WNT7A: variants seen among roughly 807,000 people sequenced by gnomAD.
WNT7A encodes protein Wnt-7a.
In WNT7A, 16 loss-of-function variants were observed where a neutral mutation model predicts 28.2. That is an observed-to-expected ratio of 0.57 (90% CI 0.38 to 0.86). The LOEUF is 0.86. Among genes scored for constraint, WNT7A ranks in the 40% least tolerant of loss-of-function variants. The pLI, the probability that WNT7A is intolerant of heterozygous loss-of-function variation, is 0.00. For missense variants in WNT7A, 411 were observed against 489.7 expected, an observed-to-expected ratio of 0.84 and a Z score of 1.52; for synonymous variants, 190 against 195.9, an observed-to-expected ratio of 0.97 and a Z score of 0.25.
intron 2 of WNT7A, among the ~76,000 whole-genome samples, chr3:13,858,035 G>A (rs898941531): frequency 6.6e-6 from 1 of 152,172 alleles, no homozygotes; most frequent in Non-Finnish European, 1.5e-5. Context: ...TAAGGAGTAG[G>A]GCTTTTCTTT....
intron 2 of WNT7A, among the ~76,000 whole-genome samples, chr3:13,873,622 T>C (rs1009588844): frequency 2.0e-5 from 3 of 152,060 alleles, no homozygotes; most frequent in Admixed American, 2.0e-4. Flanking sequence ...GTGGTAAGCA[T>C]GGGAGTAGAG....
At chr3:13,850,581 C>T (rs971350526) in intron 3 of WNT7A, among the ~76,000 whole-genome samples, 1 of 152,128 alleles carries the variant, frequency 6.6e-6, no homozygotes, top group African/African-American at 2.4e-5. Flanking sequence ...AGGCGCATTC[C>T]AGCAGGGGCC....
intron 2 of WNT7A, among the ~76,000 whole-genome samples, chr3:13,868,487 C>CGAAAGAAAGAAA (rs1553576646): frequency 3.7e-5 from 4 of 109,522 alleles, no homozygotes; most frequent in African/African-American, 1.4e-4. Context: ...AAGGAAAGAA[C>CGAAAGAAAGAAA]GAAAGAAAGA....
Position 13,879,877 on chromosome 3 carries a change from GC to G in WNT7A, c.-62del, listed in dbSNP as rs1210326469. On this transcript the variant is annotated 5_prime_UTR_variant, in exon 1 of 4. Transcript: ENST00000285018. ...GTGCTGATCCCGCGGGCCGGCCCCG[GC>G]GGGGCAATCAACATAGCCCGCCCGG... 7 of 1,451,308 alleles carry G rather than the reference GC, an allele frequency of 4.8e-6. No homozygotes were observed. The highest frequency in any genetic ancestry group is 6.4e-6 in the Non-Finnish European group (7 of 1,090,774). 89.9% of individuals were successfully genotyped at this position (1,451,308 alleles called of 1,614,324 possible). A position where few individuals can be genotyped will look rare whatever the true frequency, so the allele number is the denominator to read the frequency against.
chr3:13,827,635 G>A (rs548418638), intron 3 of WNT7A, among the ~76,000 whole-genome samples: 1 of 152,168 alleles, frequency 6.6e-6, no homozygotes, highest in African/African-American at 2.4e-5. Flanking sequence ...TGAACTTCCT[G>A]GAAGAAGGAA....
intron 3 of WNT7A, among the ~76,000 whole-genome samples, chr3:13,849,488 A>G (rs1440540257): frequency 1.3e-5 from 2 of 152,204 alleles, no homozygotes; most frequent in Non-Finnish European, 2.9e-5. Flanking sequence ...CACTTGCCAT[A>G]TCATTTGTTC....
intron 3 of WNT7A, among the ~76,000 whole-genome samples, chr3:13,833,418 C>T (rs949860163): frequency 6.6e-6 from 1 of 152,212 alleles, no homozygotes; most frequent in African/African-American, 2.4e-5. Context: ...ATGGTGGTGG[C>T]TAGCAGATGG....
intron 3 of WNT7A, among the ~76,000 whole-genome samples, chr3:13,840,616 C>CCATG (rs751338068): frequency 1.2e-4 from 18 of 151,972 alleles, no homozygotes; most frequent in Non-Finnish European, 1.9e-4. Flanking sequence ...ATCCATCCAT[C>CCATG]CATCCATCCA....
At position 13,830,503 on chromosome 3, in the gene WNT7A, C is replaced by A. The variant is rs575549513; in HGVS notation, c.571-11080G>T. Among the ~76,000 whole-genome samples the A allele has an allele frequency of 5.9e-5, 9 of 152,244 alleles. No homozygotes were observed. The East Asian group carries it at 1.7e-3, about 29-fold the overall frequency. ...TCCTCTGTGTGTGGCAGAAGGTGTC[C>A]CTGGCTGCTGCTCACCCCTGCTCTA... On this transcript the variant is annotated intron_variant, in intron 3 of 3. Coordinates refer to ENST00000285018, the MANE Select transcript of WNT7A (RefSeq NM_004625.4).
At chr3:13,834,780 C>T (rs56925963) in intron 3 of WNT7A, among the ~76,000 whole-genome samples, 13,702 of 152,212 alleles carry the variant, frequency 0.09, 692 homozygotes, top group Middle Eastern at 0.19. Flanking sequence ...GCCCCTGCCC[C>T]GGCTTGTTTT....
intron 2 of WNT7A, among the ~76,000 whole-genome samples, chr3:13,870,893 A>G (rs557100592): frequency 2.0e-5 from 3 of 152,330 alleles, no homozygotes; most frequent in South Asian, 2.1e-4. Flanking sequence ...CCCTTTCACC[A>G]GAGGTGGCTT....
At chr3:13,831,925 C>T (rs1346817381) in intron 3 of WNT7A, among the ~76,000 whole-genome samples, 1 of 152,060 alleles carries the variant, frequency 6.6e-6, no homozygotes, top group African/African-American at 2.4e-5. Context: ...AAACCAGGGA[C>T]CCTTTCCAAG....
At chr3:13,856,899 G>GAAGAAGAAGAAGAAA (rs1694743979) in intron 2 of WNT7A, among the ~76,000 whole-genome samples, 5 of 46,568 alleles carry the variant, frequency 1.1e-4, no homozygotes, top group Non-Finnish European at 1.3e-4. Context: ...AGAAAAAGAA[G>GAAGAAGAAGAAGAAA]AAGAAGAAGA....
At chr3:13,825,459 T>G (rs185789817) in intron 3 of WNT7A, among the ~76,000 whole-genome samples, 319 of 152,280 alleles carry the variant, frequency 2.1e-3, no homozygotes, top group African/African-American at 7.4e-3. Context: ...AAACTGGCTC[T>G]CGAAAGAAAA....
chr3:13,879,416 G>A (rs543048319), intron 1 of WNT7A, among the ~76,000 whole-genome samples: 12 of 152,122 alleles, frequency 7.9e-5, no homozygotes, highest in Non-Finnish European at 1.8e-4. Context: ...CCCTATGCCC[G>A]GGTCCGAAGG....
intron 3 of WNT7A, among the ~76,000 whole-genome samples, chr3:13,837,002 C>T (rs1356960259): frequency 2.0e-5 from 3 of 152,276 alleles, no homozygotes; most frequent in Middle Eastern, 3.4e-3. Flanking sequence ...GAGCCAGGGA[C>T]CTTGCTCCTC....
chr3:13,858,004 A>C lies in WNT7A; in HGVS notation c.299-3201T>G, dbSNP rs181779958. ...TATGATGGAGGTAACAAGTCTCTAC[A>C]AGTACAAGAGGGCTGAGAGGTAAGG... is the stretch of plus-strand genomic sequence containing the variant. On this transcript the variant is annotated intron_variant, in intron 2 of 3. Transcript: ENST00000285018. Among the ~76,000 whole-genome samples, 518 of 152,310 alleles carry C rather than the reference A, an allele frequency of 3.4e-3. 2 individuals carry two copies. The highest frequency in any genetic ancestry group is 0.012 in the African/African-American group (497 of 41,566).
In WNT7A at chr3:13,818,983, G is replaced by A; in HGVS notation, c.1011C>T (p.Asn337=). 1 of 1,603,484 alleles carries A rather than the reference G, an allele frequency of 6.2e-7. No homozygotes were observed. Residue 337 remains asparagine (N), a synonymous_variant, in exon 4 of 4, where the codon AAC becomes AAT. Transcript: ENST00000285018. ...ACATCTCCGTGCGCTCGCTGCACGT[G>A]TTGCACTTGACATAGCAGCACCAGT... ...KFHWCCYVKC[N]TCSERTEMYT...
chr3:13,822,846 G>A (rs1694134690), intron 3 of WNT7A, among the ~76,000 whole-genome samples: 2 of 152,282 alleles, frequency 1.3e-5, no homozygotes, highest in South Asian at 2.1e-4. Context: ...CTACCGTGGT[G>A]GGCCCTAAGC....
Sources: allele counts gnomAD v4.1 joint callset (sites outside exome capture counted in the v4.1 genomes callset), GRCh38; gene constraint gnomAD v4.1.1; transcripts MANE v1.5; gene names NCBI Gene and HGNC (gene_info 2026-07-23, HGNC 2026-07-21).